The following MGAT4C variants were observed in gnomAD, a reference collection of about 807,000 sequenced individuals.
The protein encoded by MGAT4C is MGAT4 family member C.
In MGAT4C, 19 loss-of-function variants were observed where a neutral mutation model predicts 40.1. The observed-to-expected ratio is 0.47, with a 90% CI of 0.33 to 0.70. MGAT4C has a LOEUF of 0.70. Ranked by LOEUF, MGAT4C falls within the 30% of genes least tolerant of loss-of-function variation. The probability of loss-of-function intolerance (pLI) is 0.02; values close to 1 mark genes in which losing one functional copy is unlikely to be tolerated. For missense variants in MGAT4C, 491 were observed against 563.2 expected, an observed-to-expected ratio of 0.87 and a Z score of 1.30; for synonymous variants, 181 against 187.1, an observed-to-expected ratio of 0.97 and a Z score of 0.27.
chr12:86,383,872 T>A (rs559591327), intron 3 of MGAT4C, among the ~76,000 whole-genome samples: 1 of 152,112 alleles, frequency 6.6e-6, no homozygotes, highest in East Asian at 1.9e-4. Context: ...GGACATGAGA[T>A]TTGAGAGGGG....
intron 2 of MGAT4C, among the ~76,000 whole-genome samples, chr12:86,438,191 T>TGGA: frequency 6.6e-6 from 1 of 151,952 alleles, no homozygotes; most frequent in South Asian, 2.1e-4. Context: ...AACAACTGTA[T>TGGA]TACAGATATG....
chr12:86,348,871 G>A (rs1181744592), intron 3 of MGAT4C, among the ~76,000 whole-genome samples: 2 of 151,490 alleles, frequency 1.3e-5, no homozygotes, highest in Admixed American at 6.6e-5. Context: ...CCTCAATCTG[G>A]GAAATTAAAA....
In MGAT4C at chr12:86,824,750, A is replaced by AG. The variant is rs1340747267; in HGVS notation, c.-262+13915_-262+13916insC. ...GACAGCCAGGCCAAAAAAAAAAAAA[A>AG]AAAAGAGAGAGAGAGAGAAGAAAAG... On this transcript the variant is annotated intron_variant, in intron 1 of 7. Coordinates refer to the MGAT4C transcript ENST00000548651. Among the ~76,000 whole-genome samples, 6 of 145,354 alleles carry AG rather than the reference A, an allele frequency of 4.1e-5. No homozygotes were observed. In the South Asian group the frequency reaches 6.6e-4, roughly 16 times the overall value.
chr12:86,565,956 G>T (rs148334253), intron 2 of MGAT4C, among the ~76,000 whole-genome samples: 20 of 152,228 alleles, frequency 1.3e-4, no homozygotes, highest in Middle Eastern at 3.4e-3. Flanking sequence ...TACAGCTACC[G>T]CTGAGTGCCC....
intron 1 of MGAT4C, among the ~76,000 whole-genome samples, chr12:86,835,754 T>A (rs1953024517): frequency 6.6e-6 from 1 of 151,954 alleles, no homozygotes; most frequent in Admixed American, 6.6e-5. Context: ...CACAGGTTCT[T>A]TAATTGCAAA....
At chr12:86,182,243 A>AT (rs1250620413) in intron 1 of MGAT4C, among the ~76,000 whole-genome samples, 2 of 151,878 alleles carry the variant, frequency 1.3e-5, no homozygotes, top group African/African-American at 2.4e-5. Flanking sequence ...AATCATTCTC[A>AT]TTTTTTCTCT....
chr12:85,967,717 T>A lies in MGAT4C; in HGVS notation c.*11572A>T. On this transcript the variant is annotated 3_prime_UTR_variant, in exon 5 of 5. Transcript: ENST00000611864. ...TGATCAGATTTTTTAAAAGTGATTT[T>A]AATTAAATGGACATGTTTCTCTTTA... The A allele has an allele frequency of 6.6e-6, 1 of 152,120 alleles. No individual in the cohort carries two copies. Among genetic ancestry groups the A allele is most frequent in the South Asian group, 2.1e-4 (1 of 4,832 alleles). The allele number at this position is 152,120 out of a possible 1,614,324, so 9.4% of individuals were successfully genotyped here.
intron 2 of MGAT4C, among the ~76,000 whole-genome samples, chr12:86,448,588 A>C (rs549329942): frequency 6.6e-6 from 1 of 152,300 alleles, no homozygotes; most frequent in East Asian, 1.9e-4. Context: ...CTGTATCTCT[A>C]GTACCTATAA....
chr12:86,516,147 T>C (rs1371444288), intron 2 of MGAT4C, among the ~76,000 whole-genome samples: 1 of 152,024 alleles, frequency 6.6e-6, no homozygotes, highest in African/African-American at 2.4e-5. Context: ...ACCCAGAATA[T>C]TCAAAACAAT....
intron 3 of MGAT4C, among the ~76,000 whole-genome samples, chr12:86,368,765 ATTC>A (rs1160635045): frequency 6.7e-6 from 1 of 150,202 alleles, no homozygotes; most frequent in East Asian, 1.9e-4. Flanking sequence ...TGATTTCAAT[ATTC>A]TTAAATTTAT....
At chr12:86,351,927 A>G (rs1018555615) in intron 3 of MGAT4C, among the ~76,000 whole-genome samples, 1 of 152,044 alleles carries the variant, frequency 6.6e-6, no homozygotes, top group Non-Finnish European at 1.5e-5. Context: ...AAAGAGTTAC[A>G]TTAGGATAGT....
chr12:86,138,477 C>T (rs1410606790), intron 1 of MGAT4C, among the ~76,000 whole-genome samples: 67 of 125,074 alleles, frequency 5.4e-4, no homozygotes, highest in African/African-American at 1.5e-3. Flanking sequence ...CCATATATAT[C>T]CATATATATA....
intron 3 of MGAT4C, among the ~76,000 whole-genome samples, chr12:85,985,567 T>C (rs1012778255): frequency 1.3e-5 from 2 of 152,154 alleles, no homozygotes; most frequent in Non-Finnish European, 2.9e-5. Flanking sequence ...GTTCACAATG[T>C]GTAAAAGTGT....
chr12:86,518,267 C>T (rs1163273226), intron 2 of MGAT4C, among the ~76,000 whole-genome samples: 9 of 152,112 alleles, frequency 5.9e-5, no homozygotes, highest in Non-Finnish European at 1.2e-4. Flanking sequence ...AAAGAAACTA[C>T]TAAGAAAATA....
At chr12:86,278,543 T>A (rs1255278327) in intron 4 of MGAT4C, among the ~76,000 whole-genome samples, 7 of 152,172 alleles carry the variant, frequency 4.6e-5, no homozygotes, top group Non-Finnish European at 5.9e-5. Context: ...TTTTGTGTGT[T>A]GATTTTGTAT....
intron 1 of MGAT4C, among the ~76,000 whole-genome samples, chr12:86,770,469 C>T (rs1490918930): frequency 2.0e-5 from 3 of 151,912 alleles, no homozygotes; most frequent in Admixed American, 2.0e-4. Flanking sequence ...AATGGTTTCC[C>T]ATGATTTCTG....
intron 1 of MGAT4C, among the ~76,000 whole-genome samples, chr12:86,172,097 A>G (rs1886915051): frequency 6.6e-6 from 1 of 152,166 alleles, no homozygotes; most frequent in Admixed American, 6.5e-5. Context: ...GTAATATTCT[A>G]TGTATCTCAG....
At chr12:86,822,629 G>A (rs1952726040) in intron 1 of MGAT4C, among the ~76,000 whole-genome samples, 2 of 151,052 alleles carry the variant, frequency 1.3e-5, no homozygotes, top group Non-Finnish European at 3.0e-5. Flanking sequence ...AGAGTTGCCA[G>A]GAAAATATAA....
At chr12:86,039,521 T>C (rs1437565080) in intron 2 of MGAT4C, among the ~76,000 whole-genome samples, 1 of 152,210 alleles carries the variant, frequency 6.6e-6, no homozygotes, top group East Asian at 1.9e-4. Context: ...CGGCTATTGA[T>C]ACTTTTGTAT....
Sources: gnomAD v4.1 joint callset for allele counts (sites outside exome capture counted in the v4.1 genomes callset) on GRCh38, gnomAD v4.1.1 for gene constraint, MANE v1.5 for transcripts, NCBI Gene and HGNC (gene_info 2026-07-23, HGNC 2026-07-21) for gene names.